Variants in MSH5 observed in about 807,000 individuals in gnomAD.
The protein encoded by MSH5 is mutS protein homolog 5.
MSH5 carries 78 observed loss-of-function variants against 107.7 expected under a neutral mutation model. That is an observed-to-expected ratio of 0.72 (90% CI 0.60 to 0.87). The LOEUF (loss-of-function observed/expected upper bound fraction) is 0.87, where lower values mean the gene tolerates loss of function less well. Ranked by LOEUF, MSH5 falls within the 40% of genes least tolerant of loss-of-function variation. The probability of loss-of-function intolerance (pLI) is 0.00; values close to 1 mark genes in which losing one functional copy is unlikely to be tolerated. For synonymous variants in MSH5, 326 were observed against 399.5 expected (o/e 0.82, Z 2.19); for missense variants, 889 against 1,046.6 (o/e 0.85, Z 2.08).
At chr6:31,762,301 C>A in intron 24 of MSH5, 116 bp downstream of exon 24, 1 of 1,384,436 alleles carries the variant, frequency 7.2e-7, no homozygotes, top group Non-Finnish European at 1.0e-6. Flanking sequence ...CCCACCATTT[C>A]TTTCTGAAAT....
In MSH5 at chr6:31,760,219, G is replaced by C; in HGVS notation, c.1812+3G>C. 6.3e-7 allele frequency: 1 copy of C among 1,586,160 alleles called. No individual in the cohort carries two copies. The highest frequency in any genetic ancestry group is 8.6e-7 in the Non-Finnish European group (1 of 1,168,372). On this transcript the variant is annotated splice_donor_region_variant and intron_variant, in intron 19 of 24. Coordinates refer to ENST00000375750, the MANE Select transcript of MSH5 (RefSeq NM_172166.4). This position sits in a 1 kb window ranked among gnomAD's most constrained non-coding sequence, Gnocchi z 5.6. ...GGAAGAGCATATACCTCAAACAGGT[G>C]AGGAGAAGCCCTGCAGCCTGGGCCT...
chr6:31,757,842 G>A (rs1023832855), intron 12 of MSH5: 24 of 402,846 alleles, frequency 6.0e-5, no homozygotes, highest in African/African-American at 4.8e-4. Flanking sequence ...GTTAATTTTT[G>A]TATTTTGAGT....
rs2151329916 is a variant in MSH5, at chr6:31,740,715, C to G, written c.147+102C>G. On this transcript the variant is annotated intron_variant, in intron 2 of 24. Coordinates refer to ENST00000375750, the MANE Select transcript of MSH5 (RefSeq NM_172166.4). The surrounding 1 kb of genome is among the most constrained non-coding windows in gnomAD (Gnocchi z 4.4). ...GTGGCTCACACCTGTAATCTTAGCA[C>G]TTTGGGAGACTGAGGCGGGCGGATC... is the stretch of plus-strand genomic sequence containing the variant. The G allele has an allele frequency of 3.9e-6, 5 of 1,285,518 alleles. 1 individual carries two copies. The South Asian group carries it at 8.6e-5, about 22-fold the overall frequency. 79.6% of individuals were successfully genotyped at this position (1,285,518 alleles called of 1,614,324 possible). A position where few individuals can be genotyped will look rare whatever the true frequency, so the allele number is the denominator to read the frequency against.
chr6:31,761,922 G>A lies in MSH5; in HGVS notation c.2286G>A (p.Gly762=). 6.2e-7 allele frequency: 1 copy of A among 1,613,874 alleles called. No individual in the cohort carries two copies. Among genetic ancestry groups the A allele is most frequent in the Non-Finnish European group, 8.5e-7 (1 of 1,180,036 alleles). The change falls in exon 23 of 25, where the codon GGG becomes GGA. Residue 762 remains glycine (G), a synonymous_variant. Coordinates refer to ENST00000375750, the MANE Select transcript of MSH5 (RefSeq NM_172166.4). This position sits in a 1 kb window ranked among gnomAD's most constrained non-coding sequence, Gnocchi z 5.3. ...CCTCCCACACAGCTGCCCAGGCTGGGCTTCCTGACAAGCTTGTGGCTCGTG... is the reference window on the plus strand; with the variant it reads ...CCTCCCACACAGCTGCCCAGGCTGGACTTCCTGACAAGCTTGTGGCTCGTG... ...SHASHTAAQA[G]LPDKLVARGK...
intron 3 of MSH5, 92 bp from the exon 4 acceptor site, chr6:31,742,782 GAGA>G: frequency 8.4e-7 from 1 of 1,184,918 alleles, no homozygotes; most frequent in South Asian, 1.3e-5. Context: ...AAATGTTTTT[GAGA>G]AGGAGAGGGG....
intron 10 of MSH5, among the ~76,000 whole-genome samples, chr6:31,747,919 G>T (rs1427949643): frequency 1.3e-5 from 2 of 151,800 alleles, no homozygotes; most frequent in East Asian, 3.9e-4. Context: ...CAGGAGAATC[G>T]CTTGAACCCA....
At position 31,741,404 on chromosome 6, in the gene MSH5, A is replaced by G. The variant is rs142798757; in HGVS notation, c.271+118A>G. ...ACACATATTTTTTTTTTCTAGACAG[A>G]GTCTTGCTCTGTTACCCAGGCTCAA... On this transcript the variant is annotated intron_variant, in intron 3 of 24. Coordinates refer to ENST00000375750, the MANE Select transcript of MSH5 (RefSeq NM_172166.4). The G allele has an allele frequency of 1.1e-5, 15 of 1,371,000 alleles. No individual in the cohort carries two copies. The Admixed American group carries it at 3.0e-4, about 27-fold the overall frequency. The allele number at this position is 1,371,000 out of a possible 1,614,324, so 84.9% of individuals were successfully genotyped here. A position where few individuals can be genotyped will look rare whatever the true frequency, so the allele number is the denominator to read the frequency against.
chr6:31,742,037 G>A (rs28745894), intron 3 of MSH5, among the ~76,000 whole-genome samples: 3 of 152,156 alleles, frequency 2.0e-5, no homozygotes, highest in South Asian at 4.2e-4. Flanking sequence ...GTTCATGAGC[G>A]ATCCACTCCC....
Position 31,761,561 on chromosome 6 carries a change from T to C in MSH5, c.2127T>C (p.Phe709=). 1 of 1,614,022 alleles carries C rather than the reference T, an allele frequency of 6.2e-7. No homozygotes were observed. ...TCPHIFVATN[F]LSLVQLQLLP... ...CCCACATCTTTGTGGCCACCAACTT[T>C]CTGAGCCTTGTTCAGCTACAACTGC... The change falls in exon 22 of 25, where the codon TTT becomes TTC. Residue 709 remains phenylalanine (F), a synonymous_variant. Coordinates refer to ENST00000375750, the MANE Select transcript of MSH5 (RefSeq NM_172166.4). This position sits in a 1 kb window ranked among gnomAD's most constrained non-coding sequence, Gnocchi z 5.3.
rs745804757 is a variant in MSH5, at chr6:31,743,143, A to G, written c.388A>G (p.Ile130Val). Residue 130 changes from isoleucine (I) to valine (V), a missense_variant, in exon 5 of 25, where the codon ATC becomes GTC. Transcript: ENST00000375750. ...QEHREPKRPE[I>V]IFLPSVDFGL... ...GCACAGAGAGCCTAAAAGACCTGAA[A>G]TCATATTTTTGCCAAGTGTGGATTT... The G allele has an allele frequency of 6.2e-6, 10 of 1,612,766 alleles. No individual in the cohort carries two copies. Among genetic ancestry groups the G allele is most frequent in the South Asian group, 3.3e-5 (3 of 91,066 alleles).
At chr6:31,748,688 A>G (rs1294251817) in intron 10 of MSH5, among the ~76,000 whole-genome samples, 1 of 151,858 alleles carries the variant, frequency 6.6e-6, no homozygotes, top group African/African-American at 2.4e-5. Context: ...AATAACATAA[A>G]CCTTAGGAGG....
Position 31,760,728 on chromosome 6 carries a change from T to C in MSH5, c.1851T>C (p.Phe617=). The change falls in exon 20 of 25, where the codon TTT becomes TTC. Residue 617 remains phenylalanine (F), a synonymous_variant. Coordinates refer to ENST00000375750, the MANE Select transcript of MSH5 (RefSeq NM_172166.4). This position sits in a 1 kb window ranked among gnomAD's most constrained non-coding sequence, Gnocchi z 5.6. Reference sequence around the variant, plus strand: ...CATTCATGGCCCTGGTAGGCAGCTTTGTGCCAGCAGAGGAGGCCGAAATTG... The same window carrying C: ...CATTCATGGCCCTGGTAGGCAGCTTCGTGCCAGCAGAGGAGGCCGAAATTG... ...LITFMALVGS[F]VPAEEAEIGA... 6.2e-7 allele frequency: 1 copy of C among 1,613,048 alleles called. No individual in the cohort carries two copies. Among genetic ancestry groups the C allele is most frequent in the African/African-American group, 1.3e-5 (1 of 75,044 alleles).
Position 31,761,541 on chromosome 6 carries a change from A to G in MSH5, c.2107A>G (p.Ile703Val), listed in dbSNP as rs752657544. 8.7e-6 allele frequency: 14 copies of G among 1,613,802 alleles called. No homozygotes were observed. In the East Asian group the frequency reaches 2.0e-4, roughly 23 times the overall value. Residue 703 changes from isoleucine to valine, a missense_variant, in exon 22 of 25, where the codon ATC becomes GTC. By Grantham distance (29) the Ile-to-Val change is conservative. This residue lies in a region of MSH5 where 362 missense variants were observed against 456.2 expected (regional missense o/e 0.79). Transcript: ENST00000375750. This position sits in a 1 kb window ranked among gnomAD's most constrained non-coding sequence, Gnocchi z 5.3. ...WLARGPTCPH[I>V]FVATNFLSLV... is the part of the protein sequence containing the mutation. ...GGCACGTGGACCCACATGCCCCCAC[A>G]TCTTTGTGGCCACCAACTTTCTGAG...
Position 31,749,597 on chromosome 6 carries a change from C to T in MSH5, c.812+2165C>T, listed in dbSNP as rs1037588213. Among the ~76,000 whole-genome samples, 18 of 151,806 alleles carry T rather than the reference C, an allele frequency of 1.2e-4. 1 individual carries two copies. Among genetic ancestry groups the T allele is most frequent in the African/African-American group, 4.1e-4 (17 of 41,366 alleles). ...GTGCAATCCAACTGTTACCCTTTGG[C>T]TTTTACAGGTACCTGTAAGGAGTTG... On this transcript the variant is annotated intron_variant, in intron 10 of 24. Coordinates refer to ENST00000375750, the MANE Select transcript of MSH5 (RefSeq NM_172166.4).
intron 10 of MSH5, among the ~76,000 whole-genome samples, chr6:31,752,985 C>T (rs530069068): frequency 1.3e-5 from 2 of 152,182 alleles, no homozygotes; most frequent in Non-Finnish European, 2.9e-5. Flanking sequence ...AGTGTTGGCA[C>T]ACAAATACCT....
chr6:31,747,302 G>T, intron 9 of MSH5, 85 bp from the exon 10 acceptor site: 1 of 1,449,428 alleles, frequency 6.9e-7, no homozygotes, highest in South Asian at 1.2e-5. Flanking sequence ...CCTCTGACCT[G>T]GATGCCTCAG....
intron 12 of MSH5, among the ~76,000 whole-genome samples, chr6:31,756,242 C>T (rs1810435315): frequency 6.6e-6 from 1 of 152,176 alleles, no homozygotes; most frequent in African/African-American, 2.4e-5. Flanking sequence ...ACGATCTTGG[C>T]TCACTGCAAC....
At chr6:31,742,582 A>T (rs367889700) in intron 3 of MSH5, among the ~76,000 whole-genome samples, 2 of 152,182 alleles carry the variant, frequency 1.3e-5, no homozygotes, top group South Asian at 4.1e-4. Context: ...CGTATTTACA[A>T]TGTTTCAGGT....
chr6:31,758,620 A>G lies in MSH5; in HGVS notation c.1216A>G (p.Lys406Glu). Reference sequence around the variant, plus strand: ...CAACATAGATCCTGAAATTGATGAGAGTGAGTGTTGGGTGTGGATGGGCCT... The same window carrying G: ...CAACATAGATCCTGAAATTGATGAGGGTGAGTGTTGGGTGTGGATGGGCCT... ...LPNIDPEIDE[K>E]KRRLMGLPSF... The change falls in exon 14 of 25, where the codon AAA (lysine) becomes GAA (glutamate). Residue 406 changes from lysine to glutamate, a missense_variant and splice_region_variant. Transcript: ENST00000375750. This position sits in a 1 kb window ranked among gnomAD's most constrained non-coding sequence, Gnocchi z 5.1. 6.2e-7 allele frequency: 1 copy of G among 1,613,914 alleles called. No individual in the cohort carries two copies. The highest frequency in any genetic ancestry group is 1.7e-4 in the Middle Eastern group (1 of 5,980).
Sources: gnomAD v4.1 joint callset for allele counts (sites outside exome capture counted in the v4.1 genomes callset) on GRCh38, gnomAD v4.1.1 for gene constraint, gnomAD v4.1.1 regional missense constraint, Gnocchi (gnomAD v3.1) non-coding constraint, MANE v1.5 for transcripts, NCBI Gene and HGNC (gene_info 2026-07-23, HGNC 2026-07-21) for gene names.